Variants in CMPK1 observed in about 807,000 individuals in gnomAD.
The protein encoded by CMPK1 is UMP-CMP kinase.
A neutral mutation model predicts 25.7 loss-of-function variants in CMPK1; 10 were observed. The observed-to-expected ratio is 0.39, with a 90% confidence interval of 0.24 to 0.66. The LOEUF is 0.66. CMPK1 is among the 30% of genes least tolerant of loss of function. The pLI is 0.48. For missense variants in CMPK1, 199 were observed against 280.5 expected, an observed-to-expected ratio of 0.71 and a Z score of 2.08; for synonymous variants, 106 against 101.5, an observed-to-expected ratio of 1.04 and a Z score of -0.27.
intron 1 of CMPK1, among the ~76,000 whole-genome samples, chr1:47,351,237 G>A (rs957982986): frequency 1.1e-4 from 17 of 152,060 alleles, no homozygotes; most frequent in Middle Eastern, 6.8e-3. Context: ...ATGCCACCAC[G>A]CCTGGCTAAA....
intron 1 of CMPK1, among the ~76,000 whole-genome samples, chr1:47,354,665 T>C (rs1646547000): frequency 7.0e-6 from 1 of 142,514 alleles, no homozygotes; most frequent in Non-Finnish European, 1.5e-5. Flanking sequence ...AACATACAGA[T>C]AGTTCTACTT....
At chr1:47,359,068 G>A (rs945257617) in intron 1 of CMPK1, among the ~76,000 whole-genome samples, 4 of 151,978 alleles carry the variant, frequency 2.6e-5, no homozygotes, top group African/African-American at 7.3e-5. Flanking sequence ...CCTGTAATCC[G>A]TGCACTTTGG....
intron 2 of CMPK1, among the ~76,000 whole-genome samples, chr1:47,372,641 T>A (rs981308879): frequency 1.3e-5 from 2 of 152,082 alleles, no homozygotes; most frequent in African/African-American, 4.8e-5. Flanking sequence ...TATGTGAAAG[T>A]AACATATACT....
chr1:47,338,830 T>A (rs570576459), intron 1 of CMPK1, among the ~76,000 whole-genome samples: 27 of 152,152 alleles, frequency 1.8e-4, no homozygotes, highest in African/African-American at 6.0e-4. Context: ...CTTGAATTTT[T>A]AAAATTAAGC....
chr1:47,361,043 A>AGC (rs1037410709), intron 1 of CMPK1, among the ~76,000 whole-genome samples: 10 of 15,068 alleles, frequency 6.6e-4, no homozygotes, highest in Non-Finnish European at 6.1e-3. Context: ...GCAATGGGTA[A>AGC]ACATATGTAA....
rs909854803 is a variant in CMPK1 at position 47,358,238 on chromosome 1, G to A, written c.172-10231G>A. The stretch of plus-strand genomic sequence containing the variant: ...AGCTACCCACTTGGCTGAGCCTTCC[G>A]AGTAGCCAGGACTACAGGTGCACGT... On this transcript the variant is annotated intron_variant, in intron 1 of 5. Transcript: ENST00000371873. 2.6e-5 allele frequency: 12 copies of A among 456,742 alleles called. 1 individual carries two copies. In the East Asian group the frequency reaches 7.1e-4, roughly 27 times the overall value. The allele number at this position is 456,742 out of a possible 1,614,324, so 28.3% of individuals were successfully genotyped here.
Position 47,370,000 on chromosome 1 carries a change from C to T in CMPK1, c.318+1385C>T, listed in dbSNP as rs560642819. On this transcript the variant is annotated intron_variant, in intron 2 of 5. Coordinates refer to ENST00000371873, the MANE Select transcript of CMPK1 (RefSeq NM_016308.3). ...CGTGAACTCGGCTCACTGCAAGCTC[C>T]GCCTCCTGGGTTCACGCCATTCTCC... Among the ~76,000 whole-genome samples, 6 of 132,322 alleles carry T rather than the reference C, an allele frequency of 4.5e-5. No individual in the cohort carries two copies. The South Asian group carries it at 7.7e-4, about 17-fold the overall frequency. 86.8% of individuals were successfully genotyped at this position (132,322 alleles called of 152,430 possible).
intron 1 of CMPK1, among the ~76,000 whole-genome samples, chr1:47,351,750 TTTTG>T (rs781563229): frequency 2.7e-4 from 41 of 152,318 alleles, no homozygotes; most frequent in Middle Eastern, 3.4e-3. Flanking sequence ...TGTTTATTTT[TTTTG>T]TTTTTGTTGT....
chr1:47,375,039 G>T, intron 4 of CMPK1, 54 bp downstream of exon 4: 1 of 1,433,052 alleles, frequency 7.0e-7, no homozygotes, highest in Non-Finnish European at 9.8e-7. Context: ...GCCTTATTTG[G>T]TACAGGAATA....
rs536230625 is a variant in CMPK1, at chr1:47,365,817, C to T, written c.172-2652C>T. ...CCGTAAAGGTTATTGAATTGTTTTT[C>T]AACTTCTTAAAGGAAAAATTTCAGT... On this transcript the variant is annotated intron_variant, in intron 1 of 5. Coordinates refer to ENST00000371873, the MANE Select transcript of CMPK1 (RefSeq NM_016308.3). 2.0e-4 allele frequency among the ~76,000 whole-genome samples: 30 copies of T among 152,102 alleles called. No homozygotes were observed. The South Asian group carries it at 5.6e-3, about 28-fold the overall frequency.
chr1:47,335,636 CAAAAA>C (rs34856862), intron 1 of CMPK1, among the ~76,000 whole-genome samples: 2,003 of 75,364 alleles, frequency 0.027, 46 homozygotes, highest in African/African-American at 0.091. Flanking sequence ...AACTCCGTCT[CAAAAA>C]AAAAAAAAAA....
intron 2 of CMPK1, among the ~76,000 whole-genome samples, chr1:47,369,701 A>G (rs1646663479): frequency 6.6e-6 from 1 of 151,168 alleles, no homozygotes; most frequent in South Asian, 2.1e-4. Context: ...AGCTGGGACT[A>G]CAGGCGTGCA....
Position 47,344,407 on chromosome 1 carries a change from C to T in CMPK1, c.171+10291C>T, listed in dbSNP as rs1372580505. Among the ~76,000 whole-genome samples the T allele has an allele frequency of 5.3e-5, 8 of 152,064 alleles. No homozygotes were observed. The South Asian group carries it at 8.3e-4, about 16-fold the overall frequency. ...AAGTGTGAGAGGGTAAACCGACATA[C>T]GTGAGGCTGACTCAAAAAACACTCC... On this transcript the variant is annotated intron_variant, in intron 1 of 5. Transcript: ENST00000371873.
chr1:47,372,177 T>C (rs1029709439), intron 2 of CMPK1, among the ~76,000 whole-genome samples: 1 of 151,068 alleles, frequency 6.6e-6, no homozygotes. Context: ...TACTGAAACC[T>C]CCACCTCCTG....
At chr1:47,354,094 G>A (rs1268482615) in intron 1 of CMPK1, among the ~76,000 whole-genome samples, 1 of 152,104 alleles carries the variant, frequency 6.6e-6, no homozygotes, top group Non-Finnish European at 1.5e-5. Context: ...GGAGGCTAAG[G>A]TGGAAGGATT....
In CMPK1 at chr1:47,373,052, C is replaced by T. The variant is rs763787616; in HGVS notation, c.416C>T (p.Thr139Ile). 3.7e-6 allele frequency: 6 copies of T among 1,611,972 alleles called. No individual in the cohort carries two copies. The South Asian group carries it at 4.4e-5, about 12-fold the overall frequency. The stretch of plus-strand genomic sequence containing the variant: ...GACAACCTTCAAGGATGGAACAAGA[C>T]CATGGATGGGAAGGCAGATGTATCT... ...NQDNLQGWNK[T>I]MDGKADVSFV... Residue 139 changes from threonine to isoleucine, a missense_variant, in exon 3 of 6, where the codon ACC (threonine) becomes ATC (isoleucine). Coordinates refer to ENST00000371873, the MANE Select transcript of CMPK1 (RefSeq NM_016308.3).
At chr1:47,351,304 C>T (rs1363207019) in intron 1 of CMPK1, among the ~76,000 whole-genome samples, 1 of 152,166 alleles carries the variant, frequency 6.6e-6, no homozygotes, top group Non-Finnish European at 1.5e-5. Context: ...TGGTCTCGAT[C>T]TCCTGACCTT....
intron 1 of CMPK1, among the ~76,000 whole-genome samples, chr1:47,347,926 C>T (rs145009796): frequency 4.7e-4 from 72 of 152,250 alleles, no homozygotes; most frequent in African/African-American, 1.5e-3. Context: ...CCATCGTGCC[C>T]GGTCCATGAT....
At chr1:47,364,701 G>T (rs1458216993) in intron 1 of CMPK1, among the ~76,000 whole-genome samples, 1 of 148,010 alleles carries the variant, frequency 6.8e-6, no homozygotes, top group African/African-American at 2.5e-5. Context: ...CATAAGTTAT[G>T]ATATAAATTG....
Sources: allele counts gnomAD v4.1 joint callset (sites outside exome capture counted in the v4.1 genomes callset), GRCh38; gene constraint gnomAD v4.1.1; transcripts MANE v1.5; gene names NCBI Gene and HGNC (gene_info 2026-07-23, HGNC 2026-07-21).